Variants in SESN2 observed in about 807,000 individuals in gnomAD.
SESN2 encodes sestrin 2.
A neutral mutation model predicts 56.0 loss-of-function variants in SESN2; 42 were observed. That is an observed-to-expected ratio of 0.75 (90% CI 0.59 to 0.97). The LOEUF (loss-of-function observed/expected upper bound fraction) is 0.97. Ranked by LOEUF, SESN2 falls within the 50% of genes least tolerant of loss-of-function variation. The probability of loss-of-function intolerance (pLI) is 0.00; values close to 1 mark genes in which losing one functional copy is unlikely to be tolerated. For missense variants in SESN2, 507 were observed against 649.4 expected (o/e 0.78, Z 2.38); for synonymous variants, 264 against 267.1 (o/e 0.99, Z 0.11).
intron 2 of SESN2, among the ~76,000 whole-genome samples, chr1:28,270,268 A>G (rs1019609002): frequency 5.3e-5 from 8 of 151,752 alleles, no homozygotes; most frequent in East Asian, 3.9e-4. Context: ...GGAGAATGGC[A>G]TGAACCCGGG....
At position 28,272,810 on chromosome 1, in the gene SESN2, GGTCT is replaced by G; in HGVS notation, c.750+18_750+21del. The G allele has an allele frequency of 3.3e-6, 5 of 1,492,792 alleles. No individual in the cohort carries two copies. Among genetic ancestry groups the G allele is most frequent in the Non-Finnish European group, 4.6e-6 (5 of 1,089,974 alleles). 92.5% of individuals were successfully genotyped at this position (1,492,792 alleles called of 1,614,324 possible). On this transcript the variant is annotated intron_variant, in intron 5 of 9. Transcript: ENST00000253063. ...AACTCTGGGGTAAGTCACGGGCCTG[GGTCT>G]TGATCGGGGAGGAAGCGGGCATGAC... is the stretch of plus-strand genomic sequence containing the variant.
intron 8 of SESN2, among the ~76,000 whole-genome samples, chr1:28,278,265 G>A (rs1648118068): frequency 6.6e-6 from 1 of 152,120 alleles, no homozygotes; most frequent in Non-Finnish European, 1.5e-5. Context: ...GCTAGGCAGA[G>A]CTGGGTTTAA....
chr1:28,266,268 T>G (rs1647556566), intron 1 of SESN2, among the ~76,000 whole-genome samples: 2 of 152,210 alleles, frequency 1.3e-5, no homozygotes, highest in Admixed American at 6.5e-5. Flanking sequence ...GGCATTGTTA[T>G]TTTTGTAAAG....
Position 28,273,440 on chromosome 1 carries a change from C to T in SESN2, c.833C>T (p.Thr278Met), listed in dbSNP as rs768306141. The change falls in exon 6 of 10, where the codon ACG becomes ATG. Residue 278 changes from threonine (T) to methionine (M), a missense_variant. Transcript: ENST00000253063. Reference sequence around the variant, plus strand: ...GAGAGCCTGCTGCGGGATGAGGGGACGTCCCAGGAGGAGATGGAGAGCCGC... The same window carrying T: ...GAGAGCCTGCTGCGGGATGAGGGGATGTCCCAGGAGGAGATGGAGAGCCGC... ...LQESLLRDEG[T>M]SQEEMESRFE... 9 of 1,611,684 alleles carry T rather than the reference C, an allele frequency of 5.6e-6. No homozygotes were observed. Among genetic ancestry groups the T allele is most frequent in the Admixed American group, 5.0e-5 (3 of 59,902 alleles).
intron 1 of SESN2, among the ~76,000 whole-genome samples, chr1:28,266,925 G>A (rs1257252183): frequency 6.6e-6 from 1 of 152,170 alleles, no homozygotes; most frequent in Non-Finnish European, 1.5e-5. Context: ...GATCCAGACC[G>A]ATGACTTAGA....
intron 3 of SESN2, 131 bp downstream of exon 3, chr1:28,272,002 A>T: frequency 1.0e-6 from 1 of 963,616 alleles, no homozygotes; most frequent in Non-Finnish European, 1.5e-6. Context: ...ATCTAACTGT[A>T]GAGTTTTGGG....
At chr1:28,277,408 G>A (rs1375123874) in intron 8 of SESN2, among the ~76,000 whole-genome samples, 3 of 151,982 alleles carry the variant, frequency 2.0e-5, no homozygotes, top group Non-Finnish European at 4.4e-5. Flanking sequence ...TAGAGATGGT[G>A]TTTCACCATG....
Position 28,265,460 on chromosome 1 carries a change from C to A in SESN2, c.91-3723C>A, listed in dbSNP as rs565844731. On this transcript the variant is annotated intron_variant, in intron 1 of 9. Transcript: ENST00000253063. ...CCAGGCTGGAGTGCAATGGTGCGAT[C>A]TCAGCTCACCACAACCTCCACCTCC... Among the ~76,000 whole-genome samples the A allele has an allele frequency of 5.0e-4, 76 of 152,294 alleles. 4 individuals are homozygous for A. In the South Asian group the frequency reaches 9.7e-3, roughly 19 times the overall value.
intron 1 of SESN2, among the ~76,000 whole-genome samples, chr1:28,264,627 C>A (rs1009039552): frequency 7.9e-5 from 12 of 152,180 alleles, no homozygotes; most frequent in African/African-American, 2.9e-4. Context: ...CCTGTACCAT[C>A]CAATATGGTA....
Position 28,280,109 on chromosome 1 carries a change from T to C in SESN2, c.1357-607T>C, listed in dbSNP as rs1648182954. Among the ~76,000 whole-genome samples, 3 of 152,042 alleles carry C rather than the reference T, an allele frequency of 2.0e-5. No individual in the cohort carries two copies. In the South Asian group the frequency reaches 6.2e-4, roughly 32 times the overall value. ...TGCCTCAGCCTCTCAAAGTTTTTTGTTTTTGTGATGGGGTCACACTATATT... is the reference window on the plus strand; with the variant it reads ...TGCCTCAGCCTCTCAAAGTTTTTTGCTTTTGTGATGGGGTCACACTATATT... On this transcript the variant is annotated intron_variant, in intron 9 of 9. Transcript: ENST00000253063.
intron 3 of SESN2, 91 bp downstream of exon 3, chr1:28,271,962 C>G (rs934399546): frequency 6.4e-6 from 8 of 1,258,112 alleles, no homozygotes; most frequent in South Asian, 1.2e-5. Context: ...TGAGCTGATT[C>G]CATAGACAAG....
intron 8 of SESN2, among the ~76,000 whole-genome samples, chr1:28,276,646 C>G (rs1333462260): frequency 8.6e-6 from 1 of 116,230 alleles, no homozygotes; most frequent in Non-Finnish European, 1.6e-5. Context: ...ATGGGGTGAT[C>G]TCAGCTCACT....
At chr1:28,263,357 C>A (rs959573632) in intron 1 of SESN2, among the ~76,000 whole-genome samples, 4 of 152,160 alleles carry the variant, frequency 2.6e-5, no homozygotes, top group Admixed American at 2.6e-4. Context: ...GATGGGCAGA[C>A]AAGTGTATGG....
chr1:28,271,783 ACTT>A lies in SESN2; in HGVS notation c.267_269del (p.Phe90del). On this transcript the variant is annotated inframe_deletion, in exon 3 of 10. Transcript: ENST00000253063. ...GTGGTGATGGGCCTGCACCCTGACT[ACTT>A]TACCAGCTTCTGGCGCCTGCACTAC... 2.5e-6 allele frequency: 4 copies of A among 1,614,188 alleles called. No individual in the cohort carries two copies. The highest frequency in any genetic ancestry group is 3.4e-6 in the Non-Finnish European group (4 of 1,180,038).
intron 1 of SESN2, 49 bp downstream of exon 1, chr1:28,259,986 G>A (rs906989658): frequency 1.3e-5 from 18 of 1,381,116 alleles, no homozygotes; most frequent in Non-Finnish European, 1.8e-5. Context: ...CCCGAACCGC[G>A]TCTGAGCCTC....
intron 1 of SESN2, among the ~76,000 whole-genome samples, chr1:28,261,227 G>A (rs1647366406): frequency 6.6e-6 from 1 of 152,150 alleles, no homozygotes; most frequent in Non-Finnish European, 1.5e-5. Flanking sequence ...GTTTTTGTTA[G>A]CTTGCTTACC....
In SESN2 at chr1:28,280,794, A is replaced by G. The variant is rs776133039; in HGVS notation, c.1435A>G (p.Met479Val). ...CGCCCTCCGTGCCATCACCCGCTAC[A>G]TGACCTGACTCCTGAGCAGGACCTG... The part of the protein sequence containing the change: ...LYALRAITRY[M>V]T Residue 479 changes from methionine (M) to valine (V), a missense_variant, in exon 10 of 10, where the codon ATG becomes GTG. Coordinates refer to ENST00000253063, the MANE Select transcript of SESN2 (RefSeq NM_031459.5). 9 of 1,613,182 alleles carry G rather than the reference A, an allele frequency of 5.6e-6. No individual in the cohort carries two copies. The highest frequency in any genetic ancestry group is 2.2e-5 in the South Asian group (2 of 91,088).
chr1:28,260,342 C>A (rs1055195345), intron 1 of SESN2, among the ~76,000 whole-genome samples: 1 of 152,128 alleles, frequency 6.6e-6, no homozygotes, highest in Non-Finnish European at 1.5e-5. Flanking sequence ...CTCCCCGCCC[C>A]CTTCCGCGGA....
chr1:28,276,915 C>A (rs1185348836), intron 8 of SESN2, among the ~76,000 whole-genome samples: 24 of 98,934 alleles, frequency 2.4e-4, no homozygotes, highest in Admixed American at 1.2e-3. Flanking sequence ...TTATTTATTT[C>A]TTTATTTTTG....
Sources: gnomAD v4.1 joint callset for allele counts (sites outside exome capture counted in the v4.1 genomes callset) on GRCh38, gnomAD v4.1.1 for gene constraint, MANE v1.5 for transcripts, NCBI Gene and HGNC (gene_info 2026-07-23, HGNC 2026-07-21) for gene names.